DGKI: variants seen among roughly 807,000 people sequenced by gnomAD.
DGKI encodes the protein DAG kinase iota.
DGKI carries 55 observed loss-of-function variants against 147.5 expected under a neutral mutation model. The observed-to-expected ratio is 0.37, with a 90% CI of 0.30 to 0.47. The LOEUF is 0.47. Among genes scored for constraint, DGKI ranks in the 20% least tolerant of loss-of-function variants. The pLI, the probability that DGKI is intolerant of heterozygous loss-of-function variation, is 1.00. For synonymous variants in DGKI, 469 were observed against 477.1 expected, an observed-to-expected ratio of 0.98 and a Z score of 0.22; for missense variants, 1,007 against 1,323.8, an observed-to-expected ratio of 0.76 and a Z score of 3.71.
intron 1 of DGKI, among the ~76,000 whole-genome samples, chr7:137,803,438 T>C (rs1365772355): frequency 2.0e-5 from 3 of 152,338 alleles, no homozygotes; most frequent in South Asian, 4.2e-4. Flanking sequence ...AAGATCCTCA[T>C]ATGAATCCTA....
chr7:137,451,827 C>A (rs901578081), intron 27 of DGKI, among the ~76,000 whole-genome samples: 1 of 152,048 alleles, frequency 6.6e-6, no homozygotes, highest in Admixed American at 6.5e-5. Flanking sequence ...AGTTTTCTTT[C>A]TTTTTATTTT....
intron 1 of DGKI, among the ~76,000 whole-genome samples, chr7:137,804,760 T>C (rs772629558): frequency 2.6e-5 from 4 of 152,212 alleles, no homozygotes; most frequent in Admixed American, 6.5e-5. Flanking sequence ...GCTTTGCCTG[T>C]CTACAAAAAG....
In DGKI at chr7:137,846,785, G is replaced by GGCC. The variant is rs1554489244; in HGVS notation, c.77_78insGGC (p.Ala31dup). On this transcript the variant is annotated inframe_insertion, in exon 1 of 33. Coordinates refer to ENST00000614521, the MANE Select transcript of DGKI (RefSeq NM_001321708.2). The surrounding 1 kb of genome is among the most constrained non-coding windows in gnomAD (Gnocchi z 4.0). ...CGGGCGGGCTGGCGGCGGCGGCGGC[G>GGCC]GCGGCTGCAGGAGCGCGGGCAGGTC... is the stretch of plus-strand genomic sequence containing the variant. 9.1e-7 allele frequency: 1 copy of GGCC among 1,093,714 alleles called. No individual in the cohort carries two copies. The highest frequency in any genetic ancestry group is 1.7e-5 in the African/African-American group (1 of 59,792). The allele number at this position is 1,093,714 out of a possible 1,614,324, so 67.8% of individuals were successfully genotyped here.
intron 8 of DGKI, 109 bp from the exon 9 acceptor site, chr7:137,609,718 T>C: frequency 2.9e-6 from 2 of 700,314 alleles, no homozygotes; most frequent in South Asian, 3.5e-5. Flanking sequence ...CACTGCATGC[T>C]TCTCATGCTT....
At chr7:137,411,584 T>G (rs1024327345) in intron 29 of DGKI, among the ~76,000 whole-genome samples, 6 of 152,040 alleles carry the variant, frequency 3.9e-5, no homozygotes, top group Non-Finnish European at 8.8e-5. Flanking sequence ...AGACAGTGAA[T>G]GGTAGAGCCG....
chr7:137,639,600 G>C (rs1298595020), intron 6 of DGKI, among the ~76,000 whole-genome samples: 3 of 152,112 alleles, frequency 2.0e-5, no homozygotes, highest in Non-Finnish European at 4.4e-5. Flanking sequence ...CAGGTCATCT[G>C]GGTTCACAAG....
intron 21 of DGKI, among the ~76,000 whole-genome samples, chr7:137,515,776 T>C (rs1050021661): frequency 5.9e-5 from 9 of 152,166 alleles, no homozygotes; most frequent in African/African-American, 1.9e-4. Context: ...ACACAATATA[T>C]GTAAAAAAGG....
chr7:137,691,802 T>TTTTTTTTTTTTTTTTTG (rs1823616305), intron 1 of DGKI, among the ~76,000 whole-genome samples: 1 of 122,250 alleles, frequency 8.2e-6, no homozygotes, highest in Admixed American at 7.5e-5. Context: ...CTTTGGGTTT[T>TTTTTTTTTTTTTTTTTG]TTTTTTTTTT....
chr7:137,711,310 C>A (rs1191266530), intron 1 of DGKI, among the ~76,000 whole-genome samples: 1 of 152,054 alleles, frequency 6.6e-6, no homozygotes, highest in African/African-American at 2.4e-5. Context: ...ATCATATCAG[C>A]ACTATTTATT....
intron 1 of DGKI, chr7:137,722,280 T>A (rs1794585124): frequency 6.2e-7 from 1 of 1,610,276 alleles, no homozygotes; most frequent in Admixed American, 1.7e-5. Context: ...CAGTTGGTGG[T>A]GACAAGAACG....
At chr7:137,681,408 A>G (rs1823232201) in intron 2 of DGKI, among the ~76,000 whole-genome samples, 1 of 152,232 alleles carries the variant, frequency 6.6e-6, no homozygotes, top group Non-Finnish European at 1.5e-5. Context: ...ACACTTTAAA[A>G]AAAGTAGAAA....
At chr7:137,409,206 A>G (rs766781951) in intron 29 of DGKI, among the ~76,000 whole-genome samples, 23 of 152,344 alleles carry the variant, frequency 1.5e-4, no homozygotes, top group Non-Finnish European at 2.6e-4. Flanking sequence ...ATCACTATGT[A>G]CTCTATTAAT....
At chr7:137,700,592 C>A (rs1246259195) in intron 1 of DGKI, among the ~76,000 whole-genome samples, 2 of 152,114 alleles carry the variant, frequency 1.3e-5, no homozygotes, top group African/African-American at 4.8e-5. Flanking sequence ...AAATAAAGTG[C>A]CATGGCAGAG....
At chr7:137,779,235 C>G (rs1796448118) in intron 1 of DGKI, among the ~76,000 whole-genome samples, 1 of 152,004 alleles carries the variant, frequency 6.6e-6, no homozygotes, top group African/African-American at 2.4e-5. Context: ...TTCAATAAAG[C>G]AAGCAATAAT....
chr7:137,542,751 T>C (rs1444830479), intron 20 of DGKI, among the ~76,000 whole-genome samples: 2 of 152,172 alleles, frequency 1.3e-5, no homozygotes, highest in African/African-American at 4.8e-5. Flanking sequence ...TTTTACAGTA[T>C]GTTAACTTTA....
At chr7:137,439,916 G>C (rs1813429699) in intron 28 of DGKI, among the ~76,000 whole-genome samples, 1 of 152,212 alleles carries the variant, frequency 6.6e-6, no homozygotes, top group Non-Finnish European at 1.5e-5. Flanking sequence ...TCTTTGAGAA[G>C]CCACTAATGC....
intron 1 of DGKI, among the ~76,000 whole-genome samples, chr7:137,734,543 G>A (rs1382849379): frequency 6.6e-6 from 1 of 151,866 alleles, no homozygotes; most frequent in Non-Finnish European, 1.5e-5. Flanking sequence ...TTGTTAAGTG[G>A]CTCTGCAGAG....
At chr7:137,539,671 T>C (rs1817625106) in intron 20 of DGKI, among the ~76,000 whole-genome samples, 1 of 149,446 alleles carries the variant, frequency 6.7e-6, no homozygotes, top group Non-Finnish European at 1.5e-5. Flanking sequence ...AGCAAATAAA[T>C]AAAAGATTCC....
chr7:137,829,899 G>A (rs543289580), intron 1 of DGKI, among the ~76,000 whole-genome samples: 40 of 152,308 alleles, frequency 2.6e-4, no homozygotes, highest in Non-Finnish European at 5.0e-4. Flanking sequence ...AAAGGAGGAC[G>A]ATGCAGGCAT....
Sources: gnomAD v4.1 joint callset for allele counts (sites outside exome capture counted in the v4.1 genomes callset) on GRCh38, gnomAD v4.1.1 for gene constraint, Gnocchi (gnomAD v3.1) non-coding constraint, MANE v1.5 for transcripts, NCBI Gene and HGNC (gene_info 2026-07-23, HGNC 2026-07-21) for gene names.